NBEA: variants seen among roughly 807,000 people sequenced by gnomAD.
NBEA encodes lysosomal-trafficking regulator 2.
A neutral mutation model predicts 343.4 loss-of-function variants in NBEA; 44 were observed. The observed-to-expected ratio is 0.13, with a 90% CI of 0.10 to 0.16. NBEA has a LOEUF of 0.16. Among genes scored for constraint, NBEA ranks in the 10% least tolerant of loss-of-function variants. The probability of loss-of-function intolerance (pLI) is 1.00; values close to 1 mark genes in which losing one functional copy is unlikely to be tolerated. For synonymous variants in NBEA, 1,175 were observed against 1,238.7 expected (o/e 0.95, Z 1.08); for missense variants, 2,555 against 3,631.3 (o/e 0.70, Z 7.62).
intron 38 of NBEA, among the ~76,000 whole-genome samples, chr13:35,404,272 T>C (rs1206530706): frequency 2.0e-5 from 3 of 152,096 alleles, no homozygotes; most frequent in African/African-American, 4.8e-5. Flanking sequence ...CAAAGGACTA[T>C]AAATCATGTT....
At chr13:35,074,707 G>A (rs753356927) in intron 10 of NBEA, among the ~76,000 whole-genome samples, 10 of 152,196 alleles carry the variant, frequency 6.6e-5, no homozygotes, top group Non-Finnish European at 1.2e-4. Flanking sequence ...TATTGTGTAT[G>A]TTTAAGGTAT....
At chr13:35,653,364 T>C (rs962603125) in intron 53 of NBEA, among the ~76,000 whole-genome samples, 1 of 150,146 alleles carries the variant, frequency 6.7e-6, no homozygotes, top group Non-Finnish European at 1.5e-5. Context: ...GGAGTCTCAT[T>C]ATGTCACCCA....
At chr13:35,429,460 TTTTG>T (rs1025217591) in intron 38 of NBEA, among the ~76,000 whole-genome samples, 6 of 152,226 alleles carry the variant, frequency 3.9e-5, no homozygotes, top group South Asian at 2.1e-4. Flanking sequence ...TGCTGGGGCT[TTTTG>T]TTTGTTTGTT....
intron 36 of NBEA, among the ~76,000 whole-genome samples, chr13:35,331,184 C>T (rs558319794): frequency 6.6e-6 from 1 of 152,076 alleles, no homozygotes; most frequent in South Asian, 2.1e-4. Context: ...TTTTCAGGTA[C>T]TTTTTAGTGA....
At chr13:35,205,164 C>T (rs1458601096) in intron 31 of NBEA, among the ~76,000 whole-genome samples, 1 of 152,082 alleles carries the variant, frequency 6.6e-6, no homozygotes, top group Non-Finnish European at 1.5e-5. Context: ...AGGACAAGAA[C>T]GTGCAGTCCT....
intron 41 of NBEA, among the ~76,000 whole-genome samples, chr13:35,500,622 G>A (rs1298614905): frequency 2.0e-5 from 3 of 151,422 alleles, no homozygotes; most frequent in Admixed American, 1.3e-4. Context: ...GGGAAGACAT[G>A]AAGTTGAAAC....
chr13:35,553,007 TCA>T (rs1181788949), intron 43 of NBEA, among the ~76,000 whole-genome samples: 1 of 151,942 alleles, frequency 6.6e-6, no homozygotes, highest in African/African-American at 2.4e-5. Context: ...TCCTCCCACC[TCA>T]GTTTCCCAAG....
intron 1 of NBEA, among the ~76,000 whole-genome samples, chr13:34,944,904 G>A (rs1476795643): frequency 2.0e-5 from 3 of 152,014 alleles, no homozygotes. Context: ...AACCAGTTTG[G>A]ACTCTGCAGC....
rs866368096 is a variant in NBEA at position 34,987,570 on chromosome 13, A to G, written c.294+44456A>G. Among the ~76,000 whole-genome samples, 3 of 150,984 alleles carry G rather than the reference A, an allele frequency of 2.0e-5. No individual in the cohort carries two copies. The Middle Eastern group carries it at 0.01, about 514-fold the overall frequency. On this transcript the variant is annotated intron_variant, in intron 1 of 58. Coordinates refer to ENST00000379939, the MANE Select transcript of NBEA (RefSeq NM_001385012.1). ...TGCTGGGTTGGGGAAGTTCTCCTGGATAAGATCCTGAAGAGTATTTTCCAA... is the reference window on the plus strand; with the variant it reads ...TGCTGGGTTGGGGAAGTTCTCCTGGGTAAGATCCTGAAGAGTATTTTCCAA...
chr13:35,521,862 A>G (rs1216534917), intron 41 of NBEA, among the ~76,000 whole-genome samples: 1 of 152,188 alleles, frequency 6.6e-6, no homozygotes, highest in African/African-American at 2.4e-5. Flanking sequence ...CATACATTCC[A>G]AAAAGTCTCT....
intron 33 of NBEA, among the ~76,000 whole-genome samples, chr13:35,221,239 G>A (rs964219723): frequency 3.3e-5 from 5 of 151,962 alleles, no homozygotes; most frequent in Admixed American, 2.0e-4. Context: ...AGCTACTTGG[G>A]AGGCTGAGGC....
intron 38 of NBEA, among the ~76,000 whole-genome samples, chr13:35,360,446 T>C (rs1241605162): frequency 6.6e-6 from 1 of 151,954 alleles, no homozygotes; most frequent in Non-Finnish European, 1.5e-5. Flanking sequence ...CAAGGTAATA[T>C]TATAAATGTC....
chr13:35,186,716 CA>C (rs781564939), intron 30 of NBEA: 1 of 152,036 alleles, frequency 6.6e-6, no homozygotes, highest in Non-Finnish European at 1.5e-5. Flanking sequence ...AGTATTTGTT[CA>C]AAATATTCAT....
intron 41 of NBEA, among the ~76,000 whole-genome samples, chr13:35,497,192 A>G (rs2076713319): frequency 6.6e-6 from 1 of 152,082 alleles, no homozygotes; most frequent in African/African-American, 2.4e-5. Context: ...TGATTCACTC[A>G]GGGCCTAAGG....
At chr13:34,969,767 C>G (rs1466643189) in intron 1 of NBEA, among the ~76,000 whole-genome samples, 1 of 150,992 alleles carries the variant, frequency 6.6e-6, no homozygotes, top group African/African-American at 2.4e-5. Context: ...TGTATATATA[C>G]CACGTTTTTT....
chr13:35,431,596 A>G (rs545437505), intron 38 of NBEA, among the ~76,000 whole-genome samples: 2 of 152,314 alleles, frequency 1.3e-5, no homozygotes, highest in East Asian at 1.9e-4. Context: ...TGAAAGCTGT[A>G]GAATCATCCA....
At chr13:35,429,855 C>T (rs1364456543) in intron 38 of NBEA, among the ~76,000 whole-genome samples, 2 of 143,368 alleles carry the variant, frequency 1.4e-5, no homozygotes, top group Non-Finnish European at 3.1e-5. Flanking sequence ...TCTTTATCCA[C>T]TCACTGATTG....
intron 39 of NBEA, among the ~76,000 whole-genome samples, chr13:35,435,293 G>C (rs139209255): frequency 6.6e-6 from 1 of 152,086 alleles, no homozygotes; most frequent in Admixed American, 6.6e-5. Context: ...GATTACAGGC[G>C]TGAGCCACTG....
chr13:35,014,154 T>TA (rs1245466531), intron 1 of NBEA, among the ~76,000 whole-genome samples: 2 of 152,074 alleles, frequency 1.3e-5, no homozygotes, highest in African/African-American at 2.4e-5. Flanking sequence ...ACTTTTTTTT[T>TA]ATCTCAAGCA....
Sources: allele counts gnomAD v4.1 joint callset (sites outside exome capture counted in the v4.1 genomes callset), GRCh38; gene constraint gnomAD v4.1.1; transcripts MANE v1.5; gene names NCBI Gene and HGNC (gene_info 2026-07-23, HGNC 2026-07-21).